The following DOCK8 variants were observed in gnomAD, a reference collection of about 807,000 sequenced individuals.
The protein encoded by DOCK8 is dedicator of cytokinesis 8.
DOCK8 carries 141 observed loss-of-function variants against 245.6 expected under a neutral mutation model. That is an observed-to-expected ratio of 0.57 (90% CI 0.50 to 0.66). DOCK8 has a LOEUF of 0.66. Ranked by LOEUF, DOCK8 falls within the 30% of genes least tolerant of loss-of-function variation. The pLI is 0.00. For synonymous variants in DOCK8, 1,168 were observed against 970.2 expected (o/e 1.20, Z -3.79); for missense variants, 2,965 against 2,603.4 (o/e 1.14, Z -3.02).
intron 14 of DOCK8, among the ~76,000 whole-genome samples, chr9:355,152 A>G (rs982682084): frequency 1.3e-5 from 2 of 151,588 alleles, no homozygotes; most frequent in African/African-American, 2.4e-5. Context: ...GTGCCTCATG[A>G]AAAGTGTTCC....
At chr9:312,459 A>G (rs1458138844) in intron 6 of DOCK8, 1 of 535,126 alleles carries the variant, frequency 1.9e-6, no homozygotes, top group South Asian at 1.5e-5. Flanking sequence ...AAGGGTCTAC[A>G]TGTAGTAATC....
intron 18 of DOCK8, 29 bp downstream of exon 18, chr9:372,315 T>C (rs748124557): frequency 1.8e-5 from 29 of 1,570,358 alleles, no homozygotes; most frequent in Non-Finnish European, 2.5e-5. Flanking sequence ...ATCAGCTGTT[T>C]CTTGTCCAGC....
At chr9:403,892 C>CTCTCTCTCTCTCTCTCTCTCTA (rs1362630372) in intron 26 of DOCK8, among the ~76,000 whole-genome samples, 1 of 73,754 alleles carries the variant, frequency 1.4e-5, no homozygotes, top group African/African-American at 7.7e-5. Flanking sequence ...CTCTCTCTCT[C>CTCTCTCTCTCTCTCTCTCTCTA]TATATATATA....
chr9:370,383 C>T, intron 16 of DOCK8, 83 bp downstream of exon 16: 2 of 1,238,020 alleles, frequency 1.6e-6, no homozygotes, highest in South Asian at 2.4e-5. Flanking sequence ...GGTGGTTCCT[C>T]CTAACTATTT....
intron 1 of DOCK8, among the ~76,000 whole-genome samples, chr9:217,826 A>G (rs10964703): frequency 0.13 from 20,171 of 152,184 alleles, 1,667 homozygotes; most frequent in East Asian, 0.38. Flanking sequence ...AATCTTGGAG[A>G]TACAGCTGCA....
rs1019781890 is a variant in DOCK8, at chr9:425,425, G to C, written c.4242-1460G>C. On this transcript the variant is annotated intron_variant, in intron 33 of 47. Coordinates refer to ENST00000432829, the MANE Select transcript of DOCK8 (RefSeq NM_203447.4). ...CGGGCGCCTGTAGTCCCAGCTACTC[G>C]GGAGGCTGAAGCAGGAGAATGGCGT... is the stretch of plus-strand genomic sequence containing the variant. Among the ~76,000 whole-genome samples, 10 of 151,992 alleles carry C rather than the reference G, an allele frequency of 6.6e-5. No individual in the cohort carries two copies. The East Asian group carries it at 1.4e-3, about 21-fold the overall frequency.
intron 6 of DOCK8, 96 bp downstream of exon 6, chr9:312,262 T>C (rs2050156945): frequency 7.1e-7 from 1 of 1,403,714 alleles, no homozygotes; most frequent in East Asian, 2.5e-5. Context: ...TAGCAGCCCA[T>C]GGTGTCAGGG....
intron 43 of DOCK8, among the ~76,000 whole-genome samples, chr9:444,335 AAATAATAAT>A (rs139606153): frequency 1.2e-4 from 17 of 143,618 alleles, no homozygotes; most frequent in South Asian, 1.1e-3. Context: ...AAAACAAAGC[AAATAATAAT>A]AATAATAATA....
At chr9:233,337 T>A (rs1463851767) in intron 1 of DOCK8, among the ~76,000 whole-genome samples, 2 of 152,282 alleles carry the variant, frequency 1.3e-5, no homozygotes, top group African/African-American at 2.4e-5. Context: ...AATTTTGGAA[T>A]AGGTGTGGTG....
intron 12 of DOCK8, among the ~76,000 whole-genome samples, chr9:337,422 C>T (rs9298948): frequency 6.6e-6 from 1 of 152,024 alleles, no homozygotes; most frequent in Admixed American, 6.6e-5. Context: ...CTTGTGATAC[C>T]AACTATCCTA....
At chr9:344,890 A>G (rs889877496) in intron 14 of DOCK8, among the ~76,000 whole-genome samples, 5 of 152,042 alleles carry the variant, frequency 3.3e-5, no homozygotes, top group African/African-American at 1.2e-4. Context: ...TGTCTCTACT[A>G]AAAATACAAA....
At chr9:236,330 G>C (rs141904664) in intron 1 of DOCK8, among the ~76,000 whole-genome samples, 12 of 152,302 alleles carry the variant, frequency 7.9e-5, no homozygotes, top group African/African-American at 2.6e-4. Flanking sequence ...AATTACATTT[G>C]TTTATGTATT....
intron 1 of DOCK8, among the ~76,000 whole-genome samples, chr9:228,248 G>A (rs1352327528): frequency 1.3e-5 from 2 of 152,078 alleles, no homozygotes; most frequent in African/African-American, 4.8e-5. Context: ...GGAAGGATGT[G>A]TTTTATTCCC....
At chr9:423,254 G>C (rs747361693) in intron 33 of DOCK8, among the ~76,000 whole-genome samples, 1 of 152,126 alleles carries the variant, frequency 6.6e-6, no homozygotes, top group Non-Finnish European at 1.5e-5. Context: ...TAGATGAATA[G>C]ATATATTGAC....
At chr9:384,796 A>G (rs192455196) in intron 22 of DOCK8, among the ~76,000 whole-genome samples, 2,441 of 152,246 alleles carry the variant, frequency 0.016, 60 homozygotes, top group African/African-American at 0.054. Context: ...GGCGCCTGTA[A>G]TCCCAGCTAC....
intron 2 of DOCK8, among the ~76,000 whole-genome samples, chr9:285,333 G>T (rs973810242): frequency 6.6e-6 from 1 of 152,178 alleles, no homozygotes; most frequent in Non-Finnish European, 1.5e-5. Flanking sequence ...TCAAAGCGAT[G>T]AAAAACTGGT....
At chr9:365,616 GC>G in intron 14 of DOCK8, 1 of 451,792 alleles carries the variant, frequency 2.2e-6, no homozygotes, top group South Asian at 1.6e-5. Flanking sequence ...TTCAGCTGTT[GC>G]TCATTAATGC....
At chr9:295,699 A>G (rs1296177430) in intron 4 of DOCK8, among the ~76,000 whole-genome samples, 1 of 152,190 alleles carries the variant, frequency 6.6e-6, no homozygotes, top group Non-Finnish European at 1.5e-5. Context: ...TTTCTCAGTT[A>G]TCTCCTGCTG....
At chr9:375,813 A>G (rs750007628) in intron 18 of DOCK8, among the ~76,000 whole-genome samples, 1 of 152,182 alleles carries the variant, frequency 6.6e-6, no homozygotes, top group African/African-American at 2.4e-5. Flanking sequence ...CTTGGGCAAC[A>G]TGGTGAAACC....
Sources: allele counts gnomAD v4.1 joint callset (sites outside exome capture counted in the v4.1 genomes callset), GRCh38; gene constraint gnomAD v4.1.1; transcripts MANE v1.5; gene names NCBI Gene and HGNC (gene_info 2026-07-23, HGNC 2026-07-21).